STXBP6: variants seen among roughly 807,000 people sequenced by gnomAD.
STXBP6 encodes the protein syntaxin binding protein 6, also known as syntaxin-binding protein 6.
STXBP6 carries 21 observed loss-of-function variants against 26.9 expected under a neutral mutation model. That is an observed-to-expected ratio of 0.78 (90% CI 0.55 to 1.12). STXBP6 has a LOEUF of 1.12. Ranked by LOEUF, STXBP6 falls within the 50% of genes most tolerant of loss-of-function variation. The probability of loss-of-function intolerance (pLI) is 0.00; values close to 1 mark genes in which losing one functional copy is unlikely to be tolerated. For missense variants in STXBP6, 232 were observed against 257.9 expected (o/e 0.90, Z 0.69); for synonymous variants, 97 against 92.6 (o/e 1.05, Z -0.27).
chr14:24,893,172 T>C (rs1233650267), intron 2 of STXBP6, among the ~76,000 whole-genome samples: 2 of 152,214 alleles, frequency 1.3e-5, no homozygotes, highest in African/African-American at 4.8e-5. Flanking sequence ...CTAATGATAG[T>C]AATATTTACA....
rs901777800 is a variant in STXBP6, at chr14:24,826,883, T to C, written c.452-7689A>G. 4.6e-5 allele frequency among the ~76,000 whole-genome samples: 7 copies of C among 152,304 alleles called. 1 individual carries two copies. In the South Asian group the frequency reaches 1.0e-3, roughly 23 times the overall value. On this transcript the variant is annotated intron_variant, in intron 4 of 5. Coordinates refer to ENST00000323944, the MANE Select transcript of STXBP6 (RefSeq NM_001394410.1). ...ATCTCTATGAGCCTATGCTTTTTCA[T>C]TGGTTTAATGTCAATAAAAAACAGT...
intron 1 of STXBP6, among the ~76,000 whole-genome samples, chr14:24,985,515 T>C (rs2074308638): frequency 6.6e-6 from 1 of 152,208 alleles, no homozygotes; most frequent in African/African-American, 2.4e-5. Flanking sequence ...CACTCTGGCA[T>C]TTCAAAAGCA....
Position 25,032,681 on chromosome 14 carries a change from A to G in STXBP6, c.-33+17197T>C, listed in dbSNP as rs186867679. Among the ~76,000 whole-genome samples the G allele has an allele frequency of 9.6e-4, 147 of 152,340 alleles. 2 individuals are homozygous for G. The highest frequency in any genetic ancestry group is 3.4e-3 in the African/African-American group (142 of 41,578). ...AGGAGAACATAAGAACAGATTTCAC[A>G]GAGTCCCTCGATCAATGTAAAATCC... On this transcript the variant is annotated intron_variant, in intron 1 of 5. Coordinates refer to ENST00000323944, the MANE Select transcript of STXBP6 (RefSeq NM_001394410.1).
Position 25,002,359 on chromosome 14 carries a change from C to CTTTTTTTTTTTTTTTTTTT in STXBP6, c.-32-27510_-32-27509insAAAAAAAAAAAAAAAAAAA, listed in dbSNP as rs747010332. Among the ~76,000 whole-genome samples, 103 of 121,354 alleles carry CTTTTTTTTTTTTTTTTTTT rather than the reference C, an allele frequency of 8.5e-4. 5 individuals carry two copies. The highest frequency in any genetic ancestry group is 2.0e-3 in the East Asian group (9 of 4,498). The allele number at this position is 121,354 out of a possible 152,430, so 79.6% of individuals were successfully genotyped here. ...ATCCCATACAGTTAAATTCTTATGACTTTTTTTTTTTTTTTTTTGAGACAC... is the reference window on the plus strand; with the variant it reads ...ATCCCATACAGTTAAATTCTTATGACTTTTTTTTTTTTTTTTTTTTTTTTTTTTTTTTTTTTTGAGACAC... On this transcript the variant is annotated intron_variant, in intron 1 of 5. Transcript: ENST00000323944.
chr14:24,833,807 A>G (rs1389851422), intron 4 of STXBP6, among the ~76,000 whole-genome samples: 1 of 152,248 alleles, frequency 6.6e-6, no homozygotes, highest in African/African-American at 2.4e-5. Flanking sequence ...ATTGTTTTCA[A>G]TAAAAACACC....
intron 2 of STXBP6, among the ~76,000 whole-genome samples, chr14:24,881,673 C>G (rs1314364866): frequency 6.6e-6 from 1 of 152,148 alleles, no homozygotes; most frequent in Non-Finnish European, 1.5e-5. Context: ...GAGGACTGTT[C>G]CTAGCAATGA....
chr14:24,905,533 C>T (rs904427804), intron 2 of STXBP6, among the ~76,000 whole-genome samples: 43 of 152,170 alleles, frequency 2.8e-4, no homozygotes, highest in African/African-American at 9.2e-4. Context: ...CCTTGGGAAT[C>T]TATAGGAAGC....
At chr14:24,962,341 T>A (rs2073576331) in intron 2 of STXBP6, among the ~76,000 whole-genome samples, 1 of 146,134 alleles carries the variant, frequency 6.8e-6, no homozygotes, top group Admixed American at 6.9e-5. Flanking sequence ...ATTTATTTAT[T>A]ATTTTTGAGA....
chr14:24,970,058 A>G (rs974120345), intron 2 of STXBP6, among the ~76,000 whole-genome samples: 3 of 152,148 alleles, frequency 2.0e-5, no homozygotes, highest in Non-Finnish European at 4.4e-5. Flanking sequence ...CTTGGCCAAC[A>G]TGGTGAAACA....
chr14:24,923,038 A>G (rs974986181), intron 2 of STXBP6, among the ~76,000 whole-genome samples: 13 of 152,238 alleles, frequency 8.5e-5, no homozygotes, highest in African/African-American at 2.9e-4. Context: ...AGTATCCATG[A>G]CCCAATATAA....
chr14:24,910,919 G>A (rs759054785), intron 2 of STXBP6, among the ~76,000 whole-genome samples: 10 of 152,154 alleles, frequency 6.6e-5, no homozygotes, highest in Non-Finnish European at 1.3e-4. Flanking sequence ...AGAATGGAAC[G>A]GTGGTGGTAT....
intron 4 of STXBP6, among the ~76,000 whole-genome samples, chr14:24,851,411 C>T (rs1446871295): frequency 2.0e-5 from 3 of 148,976 alleles, no homozygotes; most frequent in Admixed American, 6.7e-5. Flanking sequence ...CAACAGGCCC[C>T]GGTGTGTGAT....
At position 24,975,775 on chromosome 14, in the gene STXBP6, A is replaced by G. The variant is rs74037409; in HGVS notation, c.-32-925T>C. On this transcript the variant is annotated intron_variant, in intron 1 of 5. Coordinates refer to ENST00000323944, the MANE Select transcript of STXBP6 (RefSeq NM_001394410.1). ...CCAATGGTCTTAACTCTGCTTATTT[A>G]TATCTATTATGTTCAAGTTCAATCT... Among the ~76,000 whole-genome samples the G allele has an allele frequency of 4.6e-3, 694 of 152,314 alleles. 2 individuals are homozygous for G. The highest frequency in any genetic ancestry group is 0.016 in the African/African-American group (654 of 41,576).
chr14:24,878,673 A>G lies in STXBP6; in HGVS notation c.155-21516T>C, dbSNP rs1189024068. 5.0e-4 allele frequency: 153 copies of G among 308,168 alleles called. 1 individual carries two copies. The highest frequency in any genetic ancestry group is 1.4e-4 in the Non-Finnish European group (20 of 146,892). 19.1% of individuals were successfully genotyped at this position (308,168 alleles called of 1,614,324 possible). On this transcript the variant is annotated intron_variant, in intron 2 of 5. Coordinates refer to ENST00000323944, the MANE Select transcript of STXBP6 (RefSeq NM_001394410.1). ...TTACCTTTTTCAGTCCACCACTACA[A>G]TGTGATAATGGCCTTTTCTTAAACT...
At chr14:24,905,497 TA>T (rs2071356711) in intron 2 of STXBP6, among the ~76,000 whole-genome samples, 1 of 152,228 alleles carries the variant, frequency 6.6e-6, no homozygotes, top group African/African-American at 2.4e-5. Context: ...TTTGCTCTCC[TA>T]TTCCTGCCTG....
At position 24,855,979 on chromosome 14, in the gene STXBP6, G is replaced by A. The variant is rs1416707313; in HGVS notation, c.408C>T (p.Asp136=). ...LHHTCQRYLT[D]RKPEFINCQS... Reference sequence around the variant, plus strand: ...GGCAGTTAATAAACTCTGGCTTCCTGTCCGTGAGGTACCTCTGGCAGGTAT... The same window carrying A: ...GGCAGTTAATAAACTCTGGCTTCCTATCCGTGAGGTACCTCTGGCAGGTAT... The change falls in exon 4 of 6, where the codon GAC becomes GAT. Residue 136 remains aspartate, a synonymous_variant. Transcript: ENST00000323944. The A allele has an allele frequency of 2.5e-6, 4 of 1,609,318 alleles. No homozygotes were observed. The highest frequency in any genetic ancestry group is 2.5e-6 in the Non-Finnish European group (3 of 1,177,858).
At chr14:24,975,051 G>A (rs757058974) in intron 1 of STXBP6, among the ~76,000 whole-genome samples, 1 of 152,024 alleles carries the variant, frequency 6.6e-6, no homozygotes, top group African/African-American at 2.4e-5. Flanking sequence ...AGACAAAAAG[G>A]GGGTACTTAT....
chr14:25,034,038 T>A (rs1945482320), intron 1 of STXBP6, among the ~76,000 whole-genome samples: 1 of 152,164 alleles, frequency 6.6e-6, no homozygotes, highest in Admixed American at 6.5e-5. Context: ...AGAGAAACTA[T>A]AATATCTTTG....
chr14:24,935,862 C>T (rs886251264), intron 2 of STXBP6, among the ~76,000 whole-genome samples: 60 of 152,198 alleles, frequency 3.9e-4, no homozygotes, highest in African/African-American at 1.4e-3. Context: ...TGAACACATA[C>T]TAACAACTTA....
Sources: gnomAD v4.1 joint callset for allele counts (sites outside exome capture counted in the v4.1 genomes callset) on GRCh38, gnomAD v4.1.1 for gene constraint, MANE v1.5 for transcripts, NCBI Gene and HGNC (gene_info 2026-07-23, HGNC 2026-07-21) for gene names.